The following ROBO2 variants were observed in gnomAD, a reference collection of about 807,000 sequenced individuals.
ROBO2 encodes roundabout homolog 2.
Under a neutral mutation model 160.8 loss-of-function variants are expected in ROBO2, and 53 were observed. That is an observed-to-expected ratio of 0.33 (90% CI 0.26 to 0.41). The LOEUF (loss-of-function observed/expected upper bound fraction) is 0.41. Ranked by LOEUF, ROBO2 falls within the 10% of genes least tolerant of loss-of-function variation. The probability of loss-of-function intolerance (pLI) is 1.00; values close to 1 mark genes in which losing one functional copy is unlikely to be tolerated. For synonymous variants in ROBO2, 664 were observed against 611.7 expected (o/e 1.09, Z -1.26); for missense variants, 1,577 against 1,722.4 (o/e 0.92, Z 1.49).
intron 4 of ROBO2, among the ~76,000 whole-genome samples, chr3:77,492,080 A>C (rs2086196428): frequency 6.6e-6 from 1 of 152,170 alleles, no homozygotes; most frequent in Admixed American, 6.5e-5. Context: ...CTGTATACAA[A>C]ATTTTAAATT....
At chr3:77,252,451 T>G (rs2153303689) in intron 2 of ROBO2, among the ~76,000 whole-genome samples, 1 of 152,272 alleles carries the variant, frequency 6.6e-6, no homozygotes, top group Non-Finnish European at 1.5e-5. Flanking sequence ...TATTCATGAA[T>G]CAATTCATTC....
intron 2 of ROBO2, among the ~76,000 whole-genome samples, chr3:76,481,668 A>T (rs559981292): frequency 6.6e-6 from 1 of 152,222 alleles, no homozygotes; most frequent in African/African-American, 2.4e-5. Flanking sequence ...AGTCCTTTTA[A>T]ACCAGGAACT....
chr3:76,469,069 C>G (rs1301207211), intron 2 of ROBO2, among the ~76,000 whole-genome samples: 1 of 151,984 alleles, frequency 6.6e-6, no homozygotes, highest in African/African-American at 2.4e-5. Context: ...TTTTTTACTT[C>G]TTTATTAATG....
chr3:76,551,135 A>G (rs2083392376), intron 2 of ROBO2, among the ~76,000 whole-genome samples: 1 of 152,050 alleles, frequency 6.6e-6, no homozygotes, highest in Non-Finnish European at 1.5e-5. Flanking sequence ...TGGAAGCACA[A>G]TCAGCATGAA....
At chr3:77,462,422 G>A (rs1395241625) in intron 2 of ROBO2, among the ~76,000 whole-genome samples, 13 of 152,090 alleles carry the variant, frequency 8.5e-5, no homozygotes. Context: ...TGTACACTTT[G>A]ATCAGGCTCA....
intron 2 of ROBO2, among the ~76,000 whole-genome samples, chr3:76,502,255 C>T (rs554690848): frequency 6.6e-6 from 1 of 152,114 alleles, no homozygotes; most frequent in Non-Finnish European, 1.5e-5. Context: ...AGCTGCTCCT[C>T]CCTTCAAAGT....
Position 76,402,462 on chromosome 3 carries a change from G to C in ROBO2, c.109+464860G>C, listed in dbSNP as rs373927103. Among the ~76,000 whole-genome samples, 389 of 151,604 alleles carry C rather than the reference G, an allele frequency of 2.6e-3. 6 individuals carry two copies. Among genetic ancestry groups the C allele is most frequent in the South Asian group, 0.015 (71 of 4,816 alleles). On this transcript the variant is annotated intron_variant, in intron 2 of 26. Coordinates refer to the ROBO2 transcript ENST00000487694. ...GTATTAGTTTTTTATAACTAGTGTA[G>C]TAGATTAGCAAGAACTTATGGGCTT...
chr3:77,502,433 A>G (rs1191730814), intron 5 of ROBO2, among the ~76,000 whole-genome samples: 2 of 152,202 alleles, frequency 1.3e-5, no homozygotes, highest in Admixed American at 6.5e-5. Flanking sequence ...ATTATTTTAT[A>G]CTACTTATTG....
chr3:76,941,324 G>A (rs2078172113), intron 2 of ROBO2, among the ~76,000 whole-genome samples: 1 of 151,984 alleles, frequency 6.6e-6, no homozygotes, highest in African/African-American at 2.4e-5. Flanking sequence ...ATATAAATTT[G>A]TTAATTCATC....
intron 2 of ROBO2, among the ~76,000 whole-genome samples, chr3:76,514,809 G>C (rs1266322401): frequency 1.3e-5 from 2 of 152,012 alleles, no homozygotes; most frequent in Non-Finnish European, 2.9e-5. Flanking sequence ...TTATTACTAT[G>C]GAAACTCAGA....
chr3:76,000,485 G>T (rs1186337664), intron 2 of ROBO2, among the ~76,000 whole-genome samples: 2 of 126,954 alleles, frequency 1.6e-5, no homozygotes, highest in East Asian at 4.8e-4. Context: ...ATGATTGTGC[G>T]CTTATTTTTT....
At chr3:77,391,835 T>G (rs889439446) in intron 2 of ROBO2, among the ~76,000 whole-genome samples, 1 of 152,242 alleles carries the variant, frequency 6.6e-6, no homozygotes, top group East Asian at 1.9e-4. Flanking sequence ...GCTGGCATTA[T>G]AAGCATGAGC....
At chr3:77,541,938 G>C (rs1317196192) in intron 6 of ROBO2, among the ~76,000 whole-genome samples, 1 of 151,434 alleles carries the variant, frequency 6.6e-6, no homozygotes, top group Non-Finnish European at 1.5e-5. Context: ...TCGTCTTGAG[G>C]ACCTAGTAGT....
At chr3:76,369,960 C>T (rs982899877) in intron 2 of ROBO2, among the ~76,000 whole-genome samples, 1 of 151,962 alleles carries the variant, frequency 6.6e-6, no homozygotes, top group Non-Finnish European at 1.5e-5. Context: ...TTCAATGTCT[C>T]TCCATTGCCA....
At chr3:76,452,877 TGA>T (rs2077547727) in intron 2 of ROBO2, among the ~76,000 whole-genome samples, 1 of 152,214 alleles carries the variant, frequency 6.6e-6, no homozygotes, top group African/African-American at 2.4e-5. Context: ...CTAACGGGTG[TGA>T]GATGGTATCT....
At chr3:77,205,110 C>T (rs2083294811) in intron 2 of ROBO2, among the ~76,000 whole-genome samples, 2 of 152,164 alleles carry the variant, frequency 1.3e-5, no homozygotes, top group South Asian at 4.1e-4. Context: ...TGTCCGCAGA[C>T]AGCTTAAGTG....
At chr3:77,022,069 C>T (rs2062670813) in intron 2 of ROBO2, among the ~76,000 whole-genome samples, 1 of 152,088 alleles carries the variant, frequency 6.6e-6, no homozygotes, top group South Asian at 2.1e-4. Context: ...AATGAAACCT[C>T]ACCTCTTAAA....
chr3:76,813,579 A>G (rs972852184), intron 2 of ROBO2, among the ~76,000 whole-genome samples: 1 of 152,162 alleles, frequency 6.6e-6, no homozygotes, highest in Non-Finnish European at 1.5e-5. Flanking sequence ...CGAAGTAACT[A>G]TTCCCAAATT....
intron 2 of ROBO2, among the ~76,000 whole-genome samples, chr3:76,876,494 A>G (rs2072735465): frequency 6.6e-6 from 1 of 151,980 alleles, no homozygotes; most frequent in Non-Finnish European, 1.5e-5. Context: ...GGCTAACATG[A>G]TAAAACCCTG....
Sources: gnomAD v4.1 joint callset for allele counts (sites outside exome capture counted in the v4.1 genomes callset) on GRCh38, gnomAD v4.1.1 for gene constraint, MANE v1.5 for transcripts, NCBI Gene and HGNC (gene_info 2026-07-23, HGNC 2026-07-21) for gene names.